The following TEK variants were observed in gnomAD, a reference collection of about 807,000 sequenced individuals.
The protein encoded by TEK is TEK receptor tyrosine kinase.
Under a neutral mutation model 131.8 loss-of-function variants are expected in TEK, and 43 were observed. The observed-to-expected ratio is 0.33, with a 90% CI of 0.26 to 0.42. The LOEUF (loss-of-function observed/expected upper bound fraction) is 0.42. TEK is among the 10% of genes least tolerant of loss of function. The probability of loss-of-function intolerance (pLI) is 1.00; values close to 1 mark genes in which losing one functional copy is unlikely to be tolerated. For missense variants in TEK, 1,162 were observed against 1,384.4 expected, an observed-to-expected ratio of 0.84 and a Z score of 2.55; for synonymous variants, 580 against 491.6, an observed-to-expected ratio of 1.18 and a Z score of -2.38.
At chr9:27,185,387 G>A (rs1044515625) in intron 8 of TEK, 98 bp from the exon 9 acceptor site, 1 of 1,464,288 alleles carries the variant, frequency 6.8e-7, no homozygotes, top group African/African-American at 1.4e-5. Context: ...TCTCTCCTAG[G>A]AAACTTCTTA....
chr9:27,140,777 T>C (rs1822696843), intron 1 of TEK, among the ~76,000 whole-genome samples: 1 of 152,144 alleles, frequency 6.6e-6, no homozygotes, highest in South Asian at 2.1e-4. Context: ...TTTAACAGTT[T>C]ATCCTTTATA....
intron 5 of TEK, 88 bp downstream of exon 5, chr9:27,172,835 A>G: frequency 6.4e-7 from 1 of 1,565,214 alleles, no homozygotes; most frequent in Non-Finnish European, 8.7e-7. Flanking sequence ...ACAGATGGGA[A>G]TGGACGCTAA....
chr9:27,217,046 A>T (rs913973554), intron 18 of TEK, among the ~76,000 whole-genome samples: 35 of 152,214 alleles, frequency 2.3e-4, no homozygotes, highest in Admixed American at 2.1e-3. Flanking sequence ...GTAAAACAAG[A>T]TATGGGGAGA....
At chr9:27,155,804 CGGG>C (rs1564064998) in intron 1 of TEK, among the ~76,000 whole-genome samples, 1 of 142,030 alleles carries the variant, frequency 7.0e-6, no homozygotes, top group African/African-American at 2.7e-5. Flanking sequence ...AGTTCAGACT[CGGG>C]GGAGCACTTT....
At chr9:27,216,776 GGAGAGCTGAGAAAGGTCC>G (rs764851217) in intron 18 of TEK, among the ~76,000 whole-genome samples, 8 of 152,090 alleles carry the variant, frequency 5.3e-5, no homozygotes, top group Non-Finnish European at 1.2e-4. Flanking sequence ...CACCTGCTCT[GGAGAGCTGAGAAAGGTCC>G]CTCAAGTGCT....
At chr9:27,130,856 G>A (rs1437126612) in intron 1 of TEK, among the ~76,000 whole-genome samples, 3 of 151,514 alleles carry the variant, frequency 2.0e-5, no homozygotes, top group Non-Finnish European at 2.9e-5. Flanking sequence ...GTGAGCCACC[G>A]CGCCCGGCCA....
At chr9:27,178,756 G>A (rs1033447599) in intron 6 of TEK, among the ~76,000 whole-genome samples, 2 of 152,160 alleles carry the variant, frequency 1.3e-5, no homozygotes, top group South Asian at 4.1e-4. Flanking sequence ...GTCCTGGCAG[G>A]TTTAGTGAGC....
intron 11 of TEK, 105 bp downstream of exon 11, chr9:27,192,728 T>TGGGGGGGTGGGGGGGG: frequency 6.2e-6 from 1 of 161,302 alleles, no homozygotes; most frequent in Non-Finnish European, 1.2e-5. Context: ...AGTGGGTGGG[T>TGGGGGGGTGGGGGGGG]GGGGATGGAG....
intron 16 of TEK, among the ~76,000 whole-genome samples, chr9:27,210,778 C>T (rs1825582647): frequency 6.6e-6 from 1 of 152,166 alleles, no homozygotes; most frequent in Non-Finnish European, 1.5e-5. Context: ...AAATATATCC[C>T]TTAAAATTTT....
chr9:27,171,963 A>G (rs1823975463), intron 4 of TEK, among the ~76,000 whole-genome samples: 1 of 152,196 alleles, frequency 6.6e-6, no homozygotes, highest in African/African-American at 2.4e-5. Flanking sequence ...TAAATGGGGT[A>G]CATCTTCTAG....
chr9:27,216,726 T>C (rs1825831303), intron 18 of TEK, among the ~76,000 whole-genome samples: 1 of 152,188 alleles, frequency 6.6e-6, no homozygotes, highest in Non-Finnish European at 1.5e-5. Flanking sequence ...CCTTGGGATC[T>C]AGGGCAGGGC....
At chr9:27,191,958 G>A in intron 10 of TEK, 1 of 455,746 alleles carries the variant, frequency 2.2e-6, no homozygotes. Flanking sequence ...GCTGACTAAA[G>A]CAAATAGGTA....
intron 12 of TEK, among the ~76,000 whole-genome samples, chr9:27,197,941 G>A (rs902355271): frequency 1.3e-5 from 2 of 152,118 alleles, no homozygotes; most frequent in African/African-American, 4.8e-5. Context: ...ACAGATGTCA[G>A]TTAATTCCAG....
chr9:27,172,876 G>T lies in TEK; in HGVS notation c.760+129G>T, dbSNP rs117658238. The T allele has an allele frequency of 9.5e-4, 1,225 of 1,290,842 alleles. 15 individuals are homozygous for T. The East Asian group carries it at 0.027, about 28-fold the overall frequency. The allele number at this position is 1,290,842 out of a possible 1,614,324, so 80.0% of individuals were successfully genotyped here. A position where few individuals can be genotyped will look rare whatever the true frequency, so the allele number is the denominator to read the frequency against. On this transcript the variant is annotated intron_variant, in intron 5 of 22. Coordinates refer to ENST00000380036, the MANE Select transcript of TEK (RefSeq NM_000459.5). The stretch of plus-strand genomic sequence containing the variant: ...CTCTGTTAGGTCAGATGGTACCTGT[G>T]TGTGAATTAGAAAAAGGTGCCTTTT...
At chr9:27,122,280 T>G (rs1458825192) in intron 1 of TEK, among the ~76,000 whole-genome samples, 3 of 151,876 alleles carry the variant, frequency 2.0e-5, no homozygotes, top group African/African-American at 7.3e-5. Flanking sequence ...GATGGAAACA[T>G]GGAAACTGGA....
Position 27,220,031 on chromosome 9 carries a change from G to T in TEK, c.3104-18G>T, listed in dbSNP as rs1017307512. 49 of 1,612,530 alleles carry T rather than the reference G, an allele frequency of 3.0e-5. No individual in the cohort carries two copies. The highest frequency in any genetic ancestry group is 4.2e-5 in the Non-Finnish European group (49 of 1,178,754). The stretch of plus-strand genomic sequence containing the variant: ...TTCATGCCAGAGAGGACTTAGAGTG[G>T]CACTGTTTGTCTTCCAGGAGGCACA... On this transcript the variant is annotated intron_variant, in intron 20 of 22. Transcript: ENST00000380036.
chr9:27,214,331 G>A (rs114382560), intron 18 of TEK, among the ~76,000 whole-genome samples: 373 of 152,304 alleles, frequency 2.4e-3, no homozygotes, highest in African/African-American at 8.5e-3. Context: ...CCTTAGGGAT[G>A]ACAAGCCCTG....
chr9:27,229,243 C>T lies in TEK; in HGVS notation c.*11C>T, dbSNP rs1826466771. ...GAAGAAGCGGCCTAGGACAGAACAT[C>T]TGTATACCCTCTGTTTCCCTTTCAC... On this transcript the variant is annotated 3_prime_UTR_variant, in exon 23 of 23. Transcript: ENST00000380036. The T allele has an allele frequency of 6.2e-7, 1 of 1,613,244 alleles. No homozygotes were observed. The highest frequency in any genetic ancestry group is 8.5e-7 in the Non-Finnish European group (1 of 1,179,374).
chr9:27,125,563 G>C, intron 1 of TEK, among the ~76,000 whole-genome samples: 1 of 152,224 alleles, frequency 6.6e-6, no homozygotes, highest in South Asian at 2.1e-4. Flanking sequence ...CACAGACTCC[G>C]GTGCCAGATA....
Sources: allele counts gnomAD v4.1 joint callset (sites outside exome capture counted in the v4.1 genomes callset), GRCh38; gene constraint gnomAD v4.1.1; transcripts MANE v1.5; gene names NCBI Gene and HGNC (gene_info 2026-07-23, HGNC 2026-07-21).